TMEM242: variants seen among roughly 807,000 people sequenced by gnomAD.
TMEM242 encodes UPF0463 transmembrane protein C6orf35.
Under a neutral mutation model 18.2 loss-of-function variants are expected in TMEM242, and 10 were observed. The observed-to-expected ratio is 0.55, with a 90% CI of 0.34 to 0.93. The LOEUF is 0.93. Ranked by LOEUF, TMEM242 falls within the 40% of genes least tolerant of loss-of-function variation. TMEM242 has a pLI of 0.02. For missense variants in TMEM242, 186 were observed against 175.5 expected, an observed-to-expected ratio of 1.06 and a Z score of -0.34; for synonymous variants, 57 against 69.9, an observed-to-expected ratio of 0.81 and a Z score of 0.92.
chr6:157,316,401 GC>G (rs1182132968), intron 3 of TMEM242, among the ~76,000 whole-genome samples: 1 of 152,192 alleles, frequency 6.6e-6, no homozygotes, highest in Non-Finnish European at 1.5e-5. Flanking sequence ...TAAATAATCT[GC>G]TATGTCTAAA....
intron 3 of TMEM242, among the ~76,000 whole-genome samples, chr6:157,308,631 T>C (rs1416641122): frequency 1.3e-5 from 2 of 152,046 alleles, no homozygotes; most frequent in African/African-American, 2.4e-5. Flanking sequence ...GCAATGTCTA[T>C]CAGCAGAAGA....
Sources: gnomAD v4.1 joint callset for allele counts (sites outside exome capture counted in the v4.1 genomes callset) on GRCh38, gnomAD v4.1.1 for gene constraint, MANE v1.5 for transcripts, NCBI Gene and HGNC (gene_info 2026-07-23, HGNC 2026-07-21) for gene names.